NRXN2: variants seen among roughly 807,000 people sequenced by gnomAD.
The protein encoded by NRXN2 is neurexin 2, also known as neurexin-2-beta.
NRXN2 carries 29 observed loss-of-function variants against 128.8 expected under a neutral mutation model. That is an observed-to-expected ratio of 0.23 (90% CI 0.17 to 0.31). The LOEUF is 0.31. NRXN2 is among the 10% of genes least tolerant of loss of function. The pLI is 1.00. For missense variants in NRXN2, 1,881 were observed against 2,452.6 expected (o/e 0.77, Z 4.92); for synonymous variants, 1,098 against 1,075.2 (o/e 1.02, Z -0.41).
intron 22 of NRXN2, 34 bp from the exon 23 acceptor site, chr11:64,608,116 G>T: frequency 6.6e-7 from 1 of 1,517,554 alleles, no homozygotes; most frequent in Non-Finnish European, 9.0e-7. Context: ...AAGAGAGGGC[G>T]TCAGCGAGGG....
Position 64,651,607 on chromosome 11 carries a change from C to G in NRXN2, c.2566G>C (p.Glu856Gln). ...GQMAGAHMRLEFHNIETGIMT... is the reference protein window; with the variant it reads ...GQMAGAHMRLQFHNIETGIMT... ...ATGCCCGTCTCAATGTTGTGGAACT[C>G]CAGCCGCATATGGGCTCCTGCCATC... The change falls in exon 14 of 23, where the codon GAG (glutamate) becomes CAG (glutamine). Residue 856 changes from glutamate to glutamine, a missense_variant. Around this residue, in one of 7 missense-constraint regions of NRXN2, gnomAD observed 997 missense variants for 1,240.8 expected, o/e 0.80. Transcript: ENST00000265459. The surrounding 1 kb of genome is among the most constrained non-coding windows in gnomAD (Gnocchi z 5.9). 6.2e-7 allele frequency: 1 copy of G among 1,614,104 alleles called. No homozygotes were observed. The highest frequency in any genetic ancestry group is 8.5e-7 in the Non-Finnish European group (1 of 1,180,018).
chr11:64,668,633 A>G (rs1455292987), intron 7 of NRXN2, 29 bp from the exon 8 acceptor site: 1 of 1,611,666 alleles, frequency 6.2e-7, no homozygotes. Flanking sequence ...AGGGAGAAAG[A>G]CAGGAGACAA....
chr11:64,704,598 TCACACA>T (rs1200286244), intron 2 of NRXN2, among the ~76,000 whole-genome samples: 15 of 99,568 alleles, frequency 1.5e-4, no homozygotes, highest in African/African-American at 1.7e-4. Context: ...ATTTCCAGGT[TCACACA>T]CACACACACA....
rs1210524471 is a variant in NRXN2, at chr11:64,632,524, T to C, written c.3586-1951A>G. Among the ~76,000 whole-genome samples, 1 of 152,134 alleles carries C rather than the reference T, an allele frequency of 6.6e-6. No individual in the cohort carries two copies. The highest frequency in any genetic ancestry group is 2.4e-5 in the African/African-American group (1 of 41,424). ...TAATACCACCCAGAATAGTATCAGCTCCCTGGATTCCTCTGAGGATTTCTC... is the reference window on the plus strand; with the variant it reads ...TAATACCACCCAGAATAGTATCAGCCCCCTGGATTCCTCTGAGGATTTCTC... On this transcript the variant is annotated intron_variant, in intron 18 of 22. Coordinates refer to ENST00000265459, the MANE Select transcript of NRXN2 (RefSeq NM_015080.4). The surrounding 1 kb of genome is among the most constrained non-coding windows in gnomAD (Gnocchi z 4.2).
rs1214703279 is a variant in NRXN2, at chr11:64,635,215, A to G, written c.3585+56T>C. 1 of 1,596,312 alleles carries G rather than the reference A, an allele frequency of 6.3e-7. No homozygotes were observed. Among genetic ancestry groups the G allele is most frequent in the Non-Finnish European group, 8.6e-7 (1 of 1,166,862 alleles). On this transcript the variant is annotated intron_variant, in intron 18 of 22. Transcript: ENST00000265459. This position sits in a 1 kb window ranked among gnomAD's most constrained non-coding sequence, Gnocchi z 4.8. Reference sequence around the variant, plus strand: ...CTGATCCCATGGCAATGAGGGGCTGAACTGATTTGGGAGCAGGAAGCTTGA... The same window carrying G: ...CTGATCCCATGGCAATGAGGGGCTGGACTGATTTGGGAGCAGGAAGCTTGA...
intron 6 of NRXN2, among the ~76,000 whole-genome samples, chr11:64,683,583 G>A (rs1025239000): frequency 1.1e-4 from 17 of 148,232 alleles, no homozygotes; most frequent in Non-Finnish European, 1.8e-4. Context: ...TCACGCCGCT[G>A]CACTCCAGCT....
In NRXN2 at chr11:64,648,212, C is replaced by A; in HGVS notation, c.3403+7G>T. ...CCAAACTGCCCCCAGCCCTCCCAGGCACTCACGATCATTGCAGACAGGGCC... is the reference window on the plus strand; with the variant it reads ...CCAAACTGCCCCCAGCCCTCCCAGGAACTCACGATCATTGCAGACAGGGCC... On this transcript the variant is annotated splice_region_variant and intron_variant, in intron 17 of 22. Transcript: ENST00000265459. The surrounding 1 kb of genome is among the most constrained non-coding windows in gnomAD (Gnocchi z 4.1). The A allele has an allele frequency of 1.2e-6, 2 of 1,614,160 alleles. No individual in the cohort carries two copies. Among genetic ancestry groups the A allele is most frequent in the Non-Finnish European group, 1.7e-6 (2 of 1,180,016 alleles).
At chr11:64,711,711 C>T (rs2056911906) in intron 2 of NRXN2, among the ~76,000 whole-genome samples, 1 of 152,172 alleles carries the variant, frequency 6.6e-6, no homozygotes, top group Non-Finnish European at 1.5e-5. Context: ...TCCCATCAAA[C>T]CCCACGCTCT....
At chr11:64,663,917 T>A (rs1052780933) in intron 9 of NRXN2, among the ~76,000 whole-genome samples, 3 of 152,222 alleles carry the variant, frequency 2.0e-5, no homozygotes, top group Admixed American at 6.5e-5. Flanking sequence ...GAAGACATTA[T>A]GCAAAATGAA....
chr11:64,631,734 G>A lies in NRXN2; in HGVS notation c.3586-1161C>T, dbSNP rs111673985. Among the ~76,000 whole-genome samples the A allele has an allele frequency of 8.7e-3, 1,320 of 152,214 alleles. 19 individuals are homozygous for A. The highest frequency in any genetic ancestry group is 0.029 in the African/African-American group (1,202 of 41,502). ...CAGTCTAGGAAGACCCTGACTCAAG[G>A]AGGTGGGGGTGTGGGATGATCCAAG... On this transcript the variant is annotated intron_variant, in intron 18 of 22. Coordinates refer to ENST00000265459, the MANE Select transcript of NRXN2 (RefSeq NM_015080.4). This position sits in a 1 kb window ranked among gnomAD's most constrained non-coding sequence, Gnocchi z 4.8.
At chr11:64,690,570 G>A (rs1205971827) in intron 4 of NRXN2, 94 bp from the exon 5 acceptor site, 8 of 1,132,422 alleles carry the variant, frequency 7.1e-6, no homozygotes, top group African/African-American at 3.0e-5. Context: ...CAGGGTGGAG[G>A]TGCTGCTTGC....
At chr11:64,670,170 C>T (rs879578718) in intron 7 of NRXN2, among the ~76,000 whole-genome samples, 2 of 152,094 alleles carry the variant, frequency 1.3e-5, no homozygotes, top group African/African-American at 4.8e-5. Flanking sequence ...TCTCCACCTC[C>T]TGGGAACCAT....
chr11:64,633,479 G>A (rs1183887078), intron 18 of NRXN2, among the ~76,000 whole-genome samples: 1 of 152,188 alleles, frequency 6.6e-6, no homozygotes, highest in African/African-American at 2.4e-5. Flanking sequence ...CAAGGAAGTG[G>A]CAAAGTTGGG....
In NRXN2 at chr11:64,667,811, AC is replaced by A; in HGVS notation, c.1360-124del. 1.2e-6 allele frequency: 1 copy of A among 848,440 alleles called. No individual in the cohort carries two copies. Among genetic ancestry groups the A allele is most frequent in the Non-Finnish European group, 1.9e-6 (1 of 515,982 alleles). The allele number at this position is 848,440 out of a possible 1,614,324, so 52.6% of individuals were successfully genotyped here. On this transcript the variant is annotated intron_variant, in intron 8 of 22. Transcript: ENST00000265459. This position sits in a 1 kb window ranked among gnomAD's most constrained non-coding sequence, Gnocchi z 5.6. ...ACCCCTGTAGCCCCTGCTCAGTTCC[AC>A]CAGACCACCCGCTTAGGCCTCTGTT...
intron 19 of NRXN2, among the ~76,000 whole-genome samples, chr11:64,628,227 C>T (rs945916840): frequency 3.3e-5 from 5 of 152,204 alleles, no homozygotes; most frequent in African/African-American, 1.2e-4. Context: ...GTATCATCAC[C>T]TTTCCGAAGT....
intron 7 of NRXN2, among the ~76,000 whole-genome samples, chr11:64,672,100 C>T (rs990207240): frequency 6.6e-5 from 10 of 152,212 alleles, no homozygotes; most frequent in African/African-American, 2.4e-4. Context: ...TTGTGTCCAG[C>T]CAGAGAAGGG....
At chr11:64,642,434 G>A in intron 17 of NRXN2, 14 of 1,433,938 alleles carry the variant, frequency 9.8e-6, no homozygotes, top group South Asian at 4.2e-5. Flanking sequence ...GGCCAGGCTC[G>A]GCGTGCACAG....
chr11:64,626,731 G>T (rs1448728742), intron 19 of NRXN2, among the ~76,000 whole-genome samples, 179 bp from the exon 20 acceptor site: 1 of 152,174 alleles, frequency 6.6e-6, no homozygotes, highest in Non-Finnish European at 1.5e-5. Flanking sequence ...CTAGGCTCCG[G>T]TTCAGAGCCA....
intron 6 of NRXN2, among the ~76,000 whole-genome samples, chr11:64,683,613 C>T (rs1223023144): frequency 3.5e-5 from 5 of 144,246 alleles, no homozygotes; most frequent in African/African-American, 8.4e-5. Context: ...GAGTGAGACT[C>T]CATCTCAAAA....
Sources: gnomAD v4.1 joint callset for allele counts (sites outside exome capture counted in the v4.1 genomes callset) on GRCh38, gnomAD v4.1.1 for gene constraint, gnomAD v4.1.1 regional missense constraint, Gnocchi (gnomAD v3.1) non-coding constraint, MANE v1.5 for transcripts, NCBI Gene and HGNC (gene_info 2026-07-23, HGNC 2026-07-21) for gene names.